The following ZZEF1 variants were observed in gnomAD, a reference collection of about 807,000 sequenced individuals.
ZZEF1 encodes zinc finger ZZ-type and EF-hand domain containing 1.
A neutral mutation model predicts 342.8 loss-of-function variants in ZZEF1; 157 were observed. The ratio of observed to expected loss-of-function variants is 0.46; its 90% CI spans 0.40 to 0.52. The LOEUF (loss-of-function observed/expected upper bound fraction) is 0.52, where lower values mean the gene tolerates loss of function less well. ZZEF1 is among the 20% of genes least tolerant of loss of function. The pLI is 0.00. For synonymous variants in ZZEF1, 1,505 were observed against 1,429.1 expected (o/e 1.05, Z -1.20); for missense variants, 3,480 against 3,725.6 (o/e 0.93, Z 1.72).
At chr17:4,012,802 C>A (rs1597752184) in intron 52 of ZZEF1, among the ~76,000 whole-genome samples, 3 of 152,054 alleles carry the variant, frequency 2.0e-5, no homozygotes, top group Admixed American at 2.0e-4. Flanking sequence ...CGGCAATATA[C>A]AAAAATTAAT....
chr17:4,137,142 A>G (rs1168224038), intron 1 of ZZEF1, among the ~76,000 whole-genome samples: 1 of 152,168 alleles, frequency 6.6e-6, no homozygotes, highest in Non-Finnish European at 1.5e-5. Flanking sequence ...ATGGGGAGCC[A>G]CTGAAGTTTC....
intron 6 of ZZEF1, among the ~76,000 whole-genome samples, chr17:4,106,641 T>C (rs2058217973): frequency 6.6e-6 from 1 of 152,166 alleles, no homozygotes; most frequent in South Asian, 2.1e-4. Context: ...TGTTTTAGTG[T>C]TTCCCTTTTC....
At chr17:4,054,862 G>T (rs978940626) in intron 33 of ZZEF1, among the ~76,000 whole-genome samples, 1 of 152,198 alleles carries the variant, frequency 6.6e-6, no homozygotes, top group Non-Finnish European at 1.5e-5. Context: ...ACATTATAAG[G>T]GCTGGGACTG....
chr17:4,022,324 T>C (rs575911380), intron 44 of ZZEF1: 1 of 180,212 alleles, frequency 5.5e-6, no homozygotes. Context: ...AATAAAATTA[T>C]AATGATCAAC....
intron 1 of ZZEF1, among the ~76,000 whole-genome samples, chr17:4,130,690 A>T (rs546395475): frequency 1.3e-5 from 2 of 152,240 alleles, no homozygotes; most frequent in South Asian, 4.1e-4. Context: ...GACGTCCCAC[A>T]TCCAAACAAG....
chr17:4,090,819 G>A lies in ZZEF1; in HGVS notation c.1925C>T (p.Ser642Leu), dbSNP rs770130059. 1.2e-6 allele frequency: 2 copies of A among 1,613,724 alleles called. No homozygotes were observed. The highest frequency in any genetic ancestry group is 3.3e-5 in the Admixed American group (2 of 60,032). The change falls in exon 12 of 55, where the codon TCA (serine) becomes TTA (leucine). Residue 642 changes from serine to leucine, a missense_variant. By Grantham distance (145) the Ser-to-Leu change is moderately radical (BLOSUM62 -2). Coordinates refer to ENST00000381638, the MANE Select transcript of ZZEF1 (RefSeq NM_015113.4). ...RQFVKSRIGC[S>L]SDDLGEDDPI... ...ATCATCCTCTCCAAGGTCATCAGATGAGCAACCAATCCTGTAAAGACAAGA... is the reference window on the plus strand; with the variant it reads ...ATCATCCTCTCCAAGGTCATCAGATAAGCAACCAATCCTGTAAAGACAAGA...
At chr17:4,134,894 G>A (rs960725256) in intron 1 of ZZEF1, among the ~76,000 whole-genome samples, 2 of 152,144 alleles carry the variant, frequency 1.3e-5, no homozygotes, top group African/African-American at 2.4e-5. Flanking sequence ...TATATGGCGA[G>A]GGAGAGGCAA....
Position 4,075,194 on chromosome 17 carries a change from C to G in ZZEF1, c.3402-16G>C. The stretch of plus-strand genomic sequence containing the variant: ...ATAATCATACCTGTGAAGGCATAAC[C>G]TCTATTAGCTTCCTTCTCTCATTGC... On this transcript the variant is annotated splice_polypyrimidine_tract_variant and intron_variant, in intron 22 of 54. Transcript: ENST00000381638. The G allele has an allele frequency of 1.2e-6, 2 of 1,614,038 alleles. No individual in the cohort carries two copies.
At chr17:4,032,602 CTACTGGCTAT>C (rs1410264377) in intron 41 of ZZEF1, among the ~76,000 whole-genome samples, 35 of 152,348 alleles carry the variant, frequency 2.3e-4, no homozygotes, top group Admixed American at 1.8e-3. Context: ...TCAAAGCCAA[CTACTGGCTAT>C]AAATGAATCA....
At position 4,070,757 on chromosome 17, in the gene ZZEF1, A is replaced by G; in HGVS notation, c.4002T>C (p.Asp1334=). The change falls in exon 26 of 55, where the codon GAT becomes GAC. Residue 1334 remains aspartate, a synonymous_variant. Coordinates refer to ENST00000381638, the MANE Select transcript of ZZEF1 (RefSeq NM_015113.4). ...CAGCAAAGGTGGCGTTCACAGCTTGATCAATAGTGGAACCAGCAACTATAT... is the reference window on the plus strand; with the variant it reads ...CAGCAAAGGTGGCGTTCACAGCTTGGTCAATAGTGGAACCAGCAACTATAT... ...KTDIVAGSTI[D]QAVNATFAAL... is the part of the protein sequence containing the mutation. The G allele has an allele frequency of 6.2e-7, 1 of 1,614,156 alleles. No homozygotes were observed. Among genetic ancestry groups the G allele is most frequent in the Non-Finnish European group, 8.5e-7 (1 of 1,180,036 alleles).
At chr17:4,085,307 T>G (rs1432658598) in intron 16 of ZZEF1, among the ~76,000 whole-genome samples, 4 of 152,044 alleles carry the variant, frequency 2.6e-5, no homozygotes, top group African/African-American at 9.7e-5. Context: ...ACAGGTACAT[T>G]TGGGGGACAG....
intron 37 of ZZEF1, among the ~76,000 whole-genome samples, chr17:4,046,206 G>A (rs985545413): frequency 2.0e-5 from 3 of 152,170 alleles, no homozygotes; most frequent in Non-Finnish European, 4.4e-5. Flanking sequence ...CTTGTTAAAG[G>A]GGCCCTTTCT....
chr17:4,096,857 C>T (rs1045035415), intron 9 of ZZEF1, among the ~76,000 whole-genome samples, 157 bp from the exon 10 acceptor site: 12 of 152,268 alleles, frequency 7.9e-5, no homozygotes, highest in African/African-American at 2.4e-4. Context: ...TGGACAGAGG[C>T]AACCCCGATG....
chr17:4,116,106 G>A (rs746671470), intron 3 of ZZEF1, among the ~76,000 whole-genome samples: 4 of 152,152 alleles, frequency 2.6e-5, no homozygotes, highest in Admixed American at 1.3e-4. Context: ...GATCATCTGA[G>A]GTCAGGAGTT....
intron 2 of ZZEF1, among the ~76,000 whole-genome samples, chr17:4,121,411 G>T (rs2058480958): frequency 6.6e-6 from 1 of 152,320 alleles, no homozygotes; most frequent in South Asian, 2.1e-4. Context: ...ATCACTTGAG[G>T]TCAGGAGTTC....
chr17:4,123,958 C>G lies in ZZEF1; in HGVS notation c.448G>C (p.Gly150Arg), dbSNP rs993504286. 1.2e-5 allele frequency: 19 copies of G among 1,613,814 alleles called. No individual in the cohort carries two copies. Among genetic ancestry groups the G allele is most frequent in the Non-Finnish European group, 1.5e-5 (18 of 1,180,002 alleles). Residue 150 changes from glycine (G) to arginine (R), a missense_variant, in exon 2 of 55, where the codon GGG becomes CGG. Transcript: ENST00000381638. Reference protein sequence around the residue: ...LKNSSGANLQGELSHIIRQLQ... With the variant: ...LKNSSGANLQRELSHIIRQLQ... The stretch of plus-strand genomic sequence containing the variant: ...TGTCTGATGATGTGGCTCAGCTCCC[C>G]CTGAAGATTAGCTCCACTGGAATTC...
Position 4,123,898 on chromosome 17 carries a change from A to G in ZZEF1, c.499+9T>C, listed in dbSNP as rs778701589. 4 of 1,611,232 alleles carry G rather than the reference A, an allele frequency of 2.5e-6. No homozygotes were observed. The Admixed American group carries it at 6.8e-5, about 27-fold the overall frequency. On this transcript the variant is annotated intron_variant, in intron 2 of 54. Transcript: ENST00000381638. ...TGGTTCTAAGACAGCACCTAGATGG[A>G]AGCCTCACCTGGAACCAGAGAGCAG...
intron 1 of ZZEF1, among the ~76,000 whole-genome samples, chr17:4,141,645 T>C (rs2058850942): frequency 6.6e-6 from 1 of 152,062 alleles, no homozygotes. Context: ...ATGGCACACG[T>C]TTACCTATGT....
intron 54 of ZZEF1, among the ~76,000 whole-genome samples, chr17:4,007,296 G>A (rs74507708): frequency 2.0e-5 from 3 of 152,390 alleles, no homozygotes; most frequent in East Asian, 1.9e-4. Context: ...GGCACTCACA[G>A]GAAACGAACA....
Sources: allele counts gnomAD v4.1 joint callset (sites outside exome capture counted in the v4.1 genomes callset), GRCh38; gene constraint gnomAD v4.1.1; transcripts MANE v1.5; gene names NCBI Gene and HGNC (gene_info 2026-07-23, HGNC 2026-07-21).